GPC6: variants seen among roughly 807,000 people sequenced by gnomAD.
The protein encoded by GPC6 is glypican 6.
A neutral mutation model predicts 55.2 loss-of-function variants in GPC6; 14 were observed. The observed-to-expected ratio is 0.25, with a 90% confidence interval of 0.17 to 0.40. The LOEUF (loss-of-function observed/expected upper bound fraction) is 0.40. Ranked by LOEUF, GPC6 falls within the 10% of genes least tolerant of loss-of-function variation. The probability of loss-of-function intolerance (pLI) is 1.00; values close to 1 mark genes in which losing one functional copy is unlikely to be tolerated. For synonymous variants in GPC6, 278 were observed against 259.6 expected, an observed-to-expected ratio of 1.07 and a Z score of -0.68; for missense variants, 641 against 708.5, an observed-to-expected ratio of 0.90 and a Z score of 1.08.
intron 3 of GPC6, among the ~76,000 whole-genome samples, chr13:93,913,999 A>G (rs1877151570): frequency 6.6e-6 from 1 of 152,160 alleles, no homozygotes; most frequent in Non-Finnish European, 1.5e-5. Context: ...GTTCAGTTTT[A>G]CACTTAATTT....
At chr13:93,331,749 T>A (rs1879854932) in intron 1 of GPC6, among the ~76,000 whole-genome samples, 1 of 152,136 alleles carries the variant, frequency 6.6e-6, no homozygotes, top group Admixed American at 6.5e-5. Context: ...CTTCAAAATA[T>A]GCTCTGTTAA....
intron 1 of GPC6, among the ~76,000 whole-genome samples, chr13:93,430,203 C>G (rs1877304515): frequency 6.6e-6 from 1 of 152,042 alleles, no homozygotes. Context: ...TTAGTCATGT[C>G]ATGTAAATAA....
At chr13:93,363,607 G>C (rs1881131902) in intron 1 of GPC6, among the ~76,000 whole-genome samples, 1 of 151,946 alleles carries the variant, frequency 6.6e-6, no homozygotes, top group African/African-American at 2.4e-5. Flanking sequence ...GTGTGCATGT[G>C]TCTTTATAGC....
chr13:94,311,301 T>A (rs964012178), intron 6 of GPC6, among the ~76,000 whole-genome samples: 1 of 152,098 alleles, frequency 6.6e-6, no homozygotes, highest in East Asian at 1.9e-4. Flanking sequence ...CCCGAGTAGC[T>A]GGGATTACAG....
chr13:94,096,900 C>A (rs569296195), intron 4 of GPC6, among the ~76,000 whole-genome samples: 110 of 152,158 alleles, frequency 7.2e-4, no homozygotes, highest in Non-Finnish European at 1.3e-3. Flanking sequence ...TTCATCTGCT[C>A]TTGGCTGCTT....
At chr13:93,898,287 T>C (rs1322267078) in intron 3 of GPC6, among the ~76,000 whole-genome samples, 1 of 152,112 alleles carries the variant, frequency 6.6e-6, no homozygotes, top group Non-Finnish European at 1.5e-5. Context: ...AAATACGGCA[T>C]TGAGGAAAGA....
chr13:93,361,039 T>G (rs1477420375), intron 1 of GPC6, among the ~76,000 whole-genome samples: 1 of 152,104 alleles, frequency 6.6e-6, no homozygotes, highest in Non-Finnish European at 1.5e-5. Context: ...ACCCCTCTCT[T>G]GCTGACCACC....
At chr13:94,378,184 CTT>C (rs1261545653) in intron 6 of GPC6, among the ~76,000 whole-genome samples, 1 of 152,010 alleles carries the variant, frequency 6.6e-6, no homozygotes, top group Non-Finnish European at 1.5e-5. Flanking sequence ...TACCCTAAAA[CTT>C]AAAGTATAAT....
chr13:94,334,680 C>T (rs1195340251), intron 6 of GPC6, among the ~76,000 whole-genome samples: 4 of 152,172 alleles, frequency 2.6e-5, no homozygotes, highest in Non-Finnish European at 5.9e-5. Flanking sequence ...TGCCAAAGCA[C>T]AACCCAGTTT....
intron 4 of GPC6, among the ~76,000 whole-genome samples, chr13:94,217,605 A>G (rs962384852): frequency 5.3e-5 from 8 of 152,134 alleles, no homozygotes; most frequent in African/African-American, 1.9e-4. Flanking sequence ...TTGTTCAGGA[A>G]TTTTGAACAC....
At chr13:94,076,613 G>A (rs570752310) in intron 4 of GPC6, among the ~76,000 whole-genome samples, 1 of 151,996 alleles carries the variant, frequency 6.6e-6, no homozygotes, top group South Asian at 2.1e-4. Context: ...AGAGTTTCAG[G>A]TCTTATGTTT....
intron 6 of GPC6, among the ~76,000 whole-genome samples, chr13:94,353,384 C>T (rs1004555244): frequency 2.6e-5 from 4 of 152,176 alleles, no homozygotes; most frequent in African/African-American, 7.2e-5. Flanking sequence ...CATGAGATTG[C>T]TTTATCCTCT....
intron 1 of GPC6, among the ~76,000 whole-genome samples, chr13:93,290,314 G>T (rs1878274931): frequency 6.6e-6 from 1 of 152,048 alleles, no homozygotes; most frequent in African/African-American, 2.4e-5. Context: ...GATATTGTAC[G>T]CTGGGGCATA....
At chr13:93,995,161 CTATTTTATTTTATTTTATTT>C (rs5805840) in intron 3 of GPC6, among the ~76,000 whole-genome samples, 3 of 144,298 alleles carry the variant, frequency 2.1e-5, no homozygotes, top group East Asian at 2.1e-4. Context: ...TGTACTTCAA[CTATTTTATTTTATTTTATTT>C]TATTTTATTT....
chr13:94,124,037 A>C (rs1473123498), intron 4 of GPC6, among the ~76,000 whole-genome samples: 1 of 152,166 alleles, frequency 6.6e-6, no homozygotes, highest in Non-Finnish European at 1.5e-5. Context: ...AGGGGGAATC[A>C]TTTATAAAAT....
At chr13:93,799,434 T>A (rs1389968000) in intron 2 of GPC6, among the ~76,000 whole-genome samples, 1 of 152,240 alleles carries the variant, frequency 6.6e-6, no homozygotes, top group East Asian at 1.9e-4. Flanking sequence ...CTAATTTTTA[T>A]CTCTCATTTT....
intron 2 of GPC6, among the ~76,000 whole-genome samples, chr13:93,738,798 T>C (rs1258270756): frequency 6.6e-6 from 1 of 152,170 alleles, no homozygotes; most frequent in Non-Finnish European, 1.5e-5. Flanking sequence ...GAAAGGATTA[T>C]GCTTATTTCC....
At chr13:94,230,401 C>T (rs1402957411) in intron 4 of GPC6, among the ~76,000 whole-genome samples, 1 of 152,112 alleles carries the variant, frequency 6.6e-6, no homozygotes, top group Non-Finnish European at 1.5e-5. Flanking sequence ...ACAGATCTAA[C>T]TGGGACAATC....
intron 2 of GPC6, among the ~76,000 whole-genome samples, chr13:93,825,859 T>TC: frequency 6.8e-6 from 1 of 147,532 alleles, no homozygotes; most frequent in East Asian, 2.0e-4. Flanking sequence ...TTTATTATTT[T>TC]CTTTTTTTTT....
Sources: allele counts gnomAD v4.1 joint callset (sites outside exome capture counted in the v4.1 genomes callset), GRCh38; gene constraint gnomAD v4.1.1; transcripts MANE v1.5; gene names NCBI Gene and HGNC (gene_info 2026-07-23, HGNC 2026-07-21).